The following PPHLN1 variants were observed in gnomAD, a reference collection of about 807,000 sequenced individuals.
The protein encoded by PPHLN1 is periphilin 1, also known as periphilin-1.
Under a neutral mutation model 51.3 loss-of-function variants are expected in PPHLN1, and 29 were observed. The observed-to-expected ratio is 0.57, with a 90% CI of 0.42 to 0.77. PPHLN1 has a LOEUF of 0.77. Among genes scored for constraint, PPHLN1 ranks in the 30% least tolerant of loss-of-function variants. The pLI is 0.00. For synonymous variants in PPHLN1, 147 were observed against 147.8 expected, an observed-to-expected ratio of 0.99 and a Z score of 0.04; for missense variants, 436 against 438.4, an observed-to-expected ratio of 0.99 and a Z score of 0.05.
intron 4 of PPHLN1, among the ~76,000 whole-genome samples, chr12:42,364,626 A>G (rs972614347): frequency 2.0e-5 from 3 of 152,152 alleles, no homozygotes; most frequent in Non-Finnish European, 2.9e-5. Flanking sequence ...TCTGTCTCAA[A>G]AAATTTTTAA....
At chr12:42,333,406 A>C (rs1036213969) in intron 1 of PPHLN1, among the ~76,000 whole-genome samples, 2 of 152,036 alleles carry the variant, frequency 1.3e-5, no homozygotes, top group African/African-American at 2.4e-5. Flanking sequence ...GTGTTTTTAA[A>C]ATTTTAATAA....
intron 9 of PPHLN1, among the ~76,000 whole-genome samples, chr12:42,438,073 TA>T (rs1464993927): frequency 6.6e-6 from 1 of 152,250 alleles, no homozygotes; most frequent in Non-Finnish European, 1.5e-5. Context: ...ATTTATCCAT[TA>T]AAGAACATCT....
At chr12:42,348,377 C>T (rs867969337) in intron 2 of PPHLN1, among the ~76,000 whole-genome samples, 14 of 150,942 alleles carry the variant, frequency 9.3e-5, no homozygotes, top group Middle Eastern at 3.2e-3. Flanking sequence ...CTGCCTTGAC[C>T]TCCCAAAGTG....
chr12:42,441,826 A>G lies in PPHLN1; in HGVS notation c.*317A>G, dbSNP rs1041494125. 4 of 1,051,896 alleles carry G rather than the reference A, an allele frequency of 3.8e-6. No homozygotes were observed. In the African/African-American group the frequency reaches 5.0e-5, roughly 13 times the overall value. 65.2% of individuals were successfully genotyped at this position (1,051,896 alleles called of 1,614,324 possible). On this transcript the variant is annotated 3_prime_UTR_variant, in exon 10 of 10. Coordinates refer to ENST00000358314, the MANE Select transcript of PPHLN1 (RefSeq NM_201439.2). ...TGAGCCACCGCTCCCTGCCCAACAC[A>G]TATACCATCTGAAAATGTTAGAATT...
chr12:42,333,396 G>T (rs1388512122), intron 1 of PPHLN1, among the ~76,000 whole-genome samples: 4 of 152,116 alleles, frequency 2.6e-5, no homozygotes, highest in African/African-American at 9.7e-5. Context: ...CAAAGCATAT[G>T]TGTTTTTAAA....
At chr12:42,416,487 T>C (rs750700556) in intron 9 of PPHLN1, among the ~76,000 whole-genome samples, 4 of 152,178 alleles carry the variant, frequency 2.6e-5, no homozygotes, top group Non-Finnish European at 4.4e-5. Flanking sequence ...TCAGCCTCAC[T>C]TTGAGAATCC....
At chr12:42,403,927 G>C (rs2079056517) in intron 9 of PPHLN1, among the ~76,000 whole-genome samples, 1 of 151,956 alleles carries the variant, frequency 6.6e-6, no homozygotes, top group Non-Finnish European at 1.5e-5. Context: ...TGTTTTCTTA[G>C]GTCAACAATT....
chr12:42,358,838 A>G (rs1182420937), intron 4 of PPHLN1, among the ~76,000 whole-genome samples: 1 of 152,126 alleles, frequency 6.6e-6, no homozygotes, highest in Non-Finnish European at 1.5e-5. Context: ...ATGAAATAGT[A>G]CTTTAGTTTT....
intron 2 of PPHLN1, among the ~76,000 whole-genome samples, chr12:42,336,642 A>G (rs956892372): frequency 1.3e-5 from 2 of 152,226 alleles, no homozygotes; most frequent in Admixed American, 6.5e-5. Flanking sequence ...CCAGTGCTAC[A>G]TCTAGTACTT....
chr12:42,415,243 C>T (rs1191648844), intron 9 of PPHLN1, among the ~76,000 whole-genome samples: 1 of 152,226 alleles, frequency 6.6e-6, no homozygotes, highest in Non-Finnish European at 1.5e-5. Flanking sequence ...GTAATCTCAG[C>T]TCACTGCAAC....
At chr12:42,369,546 T>G (rs556886066) in intron 4 of PPHLN1, among the ~76,000 whole-genome samples, 8 of 152,332 alleles carry the variant, frequency 5.3e-5, no homozygotes, top group Middle Eastern at 3.4e-3. Flanking sequence ...CCAGGTTCTG[T>G]TCTAAATTTT....
rs76141122 is a variant in PPHLN1, at chr12:42,412,425, ATTT to A, written c.909+13441_909+13443del. On this transcript the variant is annotated intron_variant, in intron 9 of 9. Transcript: ENST00000358314. ...GAATTGCTCCAAAAGATATTATTTC[ATTT>A]TTTTTTTTTACAGCTGAATAGTATT... Among the ~76,000 whole-genome samples, 821 of 144,998 alleles carry A rather than the reference ATTT, an allele frequency of 5.7e-3. 7 individuals carry two copies. The highest frequency in any genetic ancestry group is 0.02 in the African/African-American group (786 of 39,742).
chr12:42,434,686 ATGTTTT>A (rs984592006), intron 9 of PPHLN1, among the ~76,000 whole-genome samples: 3 of 151,950 alleles, frequency 2.0e-5, no homozygotes, highest in Admixed American at 6.6e-5. Context: ...CTGTTTCTTT[ATGTTTT>A]TGTTTTTGTT....
intron 4 of PPHLN1, chr12:42,355,764 A>C (rs1592345652): frequency 6.6e-6 from 1 of 152,276 alleles, no homozygotes. Flanking sequence ...AAAAAAAAAA[A>C]AAAGAACTAT....
At chr12:42,445,875 T>A, downstream of PPHLN1, 1 of 1,383,972 alleles carries the variant, frequency 7.2e-7, no homozygotes, top group Non-Finnish European at 9.5e-7. Flanking sequence ...GACATAAAAC[T>A]GCAGTTTTAT....
chr12:42,355,303 C>A, intron 4 of PPHLN1, 81 bp downstream of exon 4: 1 of 1,183,016 alleles, frequency 8.5e-7, no homozygotes, highest in Non-Finnish European at 1.2e-6. Flanking sequence ...AGACTCAAGG[C>A]ACATAGATGA....
At chr12:42,446,344 C>T, downstream of PPHLN1, 11 of 1,514,206 alleles carry the variant, frequency 7.3e-6, no homozygotes, top group Non-Finnish European at 9.7e-6. Flanking sequence ...CTACTATACC[C>T]TATTAAGCCC....
chr12:42,357,245 A>T (rs867941574), intron 4 of PPHLN1, among the ~76,000 whole-genome samples: 7 of 152,086 alleles, frequency 4.6e-5, no homozygotes, highest in South Asian at 2.1e-4. Flanking sequence ...AAAGATCAAA[A>T]TTTTTTTTAT....
chr12:42,407,673 A>T (rs540989294), intron 9 of PPHLN1, among the ~76,000 whole-genome samples: 155 of 152,350 alleles, frequency 1.0e-3, no homozygotes, highest in African/African-American at 3.6e-3. Flanking sequence ...TCCCTTATGT[A>T]AAATGGCCTT....
Sources: gnomAD v4.1 joint callset for allele counts (sites outside exome capture counted in the v4.1 genomes callset) on GRCh38, gnomAD v4.1.1 for gene constraint, MANE v1.5 for transcripts, NCBI Gene and HGNC (gene_info 2026-07-23, HGNC 2026-07-21) for gene names.